Variants in GALNTL6 observed in about 807,000 individuals in gnomAD.
GALNTL6 encodes the protein polypeptide N-acetylgalactosaminyltransferase like 6.
Under a neutral mutation model 73.7 loss-of-function variants are expected in GALNTL6, and 46 were observed. The ratio of observed to expected loss-of-function variants is 0.62; its 90% CI spans 0.49 to 0.80. The LOEUF (loss-of-function observed/expected upper bound fraction) is 0.80. GALNTL6 is among the 30% of genes least tolerant of loss of function. GALNTL6 has a pLI of 0.00. For synonymous variants in GALNTL6, 259 were observed against 263.7 expected, an observed-to-expected ratio of 0.98 and a Z score of 0.17; for missense variants, 604 against 755.0, an observed-to-expected ratio of 0.80 and a Z score of 2.34.
chr4:172,967,024 T>C (rs1444836149), intron 10 of GALNTL6, among the ~76,000 whole-genome samples: 1 of 152,224 alleles, frequency 6.6e-6, no homozygotes, highest in Non-Finnish European at 1.5e-5. Flanking sequence ...GTGCTCCCCA[T>C]CGGCCTCCGT....
chr4:172,332,093 G>A (rs989503169), intron 4 of GALNTL6, among the ~76,000 whole-genome samples: 1 of 151,862 alleles, frequency 6.6e-6, no homozygotes, highest in African/African-American at 2.4e-5. Flanking sequence ...TCTCAGTGTG[G>A]TTTTCATTTG....
chr4:172,481,327 G>A (rs1733459452), intron 5 of GALNTL6, among the ~76,000 whole-genome samples: 1 of 133,330 alleles, frequency 7.5e-6, no homozygotes, highest in African/African-American at 2.6e-5. Context: ...GAGTGTTACA[G>A]CTCATAAAGG....
At chr4:172,386,183 A>T (rs1016753582) in intron 5 of GALNTL6, among the ~76,000 whole-genome samples, 9 of 152,170 alleles carry the variant, frequency 5.9e-5, no homozygotes, top group Non-Finnish European at 8.8e-5. Context: ...AAATACATTA[A>T]TAATAATTTT....
At position 172,176,369 on chromosome 4, in the gene GALNTL6, C is replaced by CATAT. The variant is rs1452561927; in HGVS notation, c.139-53286_139-53283dup. Among the ~76,000 whole-genome samples the CATAT allele has an allele frequency of 7.8e-5, 8 of 102,326 alleles. No individual in the cohort carries two copies. In the Admixed American group the frequency reaches 8.8e-4, roughly 11 times the overall value. 67.1% of individuals were successfully genotyped at this position (102,326 alleles called of 152,430 possible). On this transcript the variant is annotated intron_variant, in intron 2 of 12. Transcript: ENST00000506823. ...AAAAAAAAAAAAAGAGTGTATTCAG[C>CATAT]ATATTTATTGAGTAATTAGAAATGA...
intron 5 of GALNTL6, among the ~76,000 whole-genome samples, chr4:172,718,055 T>A (rs1735217543): frequency 2.0e-5 from 3 of 152,236 alleles, no homozygotes; most frequent in African/African-American, 7.2e-5. Context: ...ATTAAGAATG[T>A]TTACTTACAC....
At chr4:173,026,725 C>T (rs1000232317) in intron 12 of GALNTL6, among the ~76,000 whole-genome samples, 18 of 152,180 alleles carry the variant, frequency 1.2e-4, no homozygotes, top group African/African-American at 4.3e-4. Flanking sequence ...CTTTTTCACA[C>T]AGATTTTTAG....
At chr4:172,305,684 C>G (rs1241222940) in intron 3 of GALNTL6, among the ~76,000 whole-genome samples, 1 of 152,066 alleles carries the variant, frequency 6.6e-6, no homozygotes. Context: ...GAGGCTCTAC[C>G]TATTAGAACT....
intron 5 of GALNTL6, among the ~76,000 whole-genome samples, chr4:172,756,506 A>T (rs984202109): frequency 1.3e-5 from 2 of 152,036 alleles, no homozygotes; most frequent in African/African-American, 4.8e-5. Context: ...TTAGTGGGGC[A>T]TGGTGATGTA....
intron 5 of GALNTL6, among the ~76,000 whole-genome samples, chr4:172,365,159 T>G (rs1407065504): frequency 6.6e-6 from 1 of 152,158 alleles, no homozygotes. Context: ...TAAGAGTATT[T>G]AAGGGTTTAG....
At chr4:172,819,326 G>A (rs796607041) in intron 7 of GALNTL6, among the ~76,000 whole-genome samples, 56 of 152,338 alleles carry the variant, frequency 3.7e-4, no homozygotes, top group African/African-American at 1.2e-3. Flanking sequence ...TAACAACACC[G>A]TGTGAAAGTC....
At chr4:172,845,834 T>C (rs2111095601) in intron 7 of GALNTL6, among the ~76,000 whole-genome samples, 1 of 152,344 alleles carries the variant, frequency 6.6e-6, no homozygotes, top group Middle Eastern at 3.4e-3. Context: ...AAGTTCCTAA[T>C]TACCTGTAGG....
intron 2 of GALNTL6, among the ~76,000 whole-genome samples, chr4:172,075,886 G>T (rs1264565399): frequency 2.6e-5 from 4 of 152,284 alleles, no homozygotes; most frequent in Admixed American, 6.5e-5. Flanking sequence ...TTATCCTAGT[G>T]AGTGATGAAT....
intron 10 of GALNTL6, among the ~76,000 whole-genome samples, chr4:172,998,987 AT>A (rs1355246034): frequency 3.5e-4 from 14 of 39,550 alleles, no homozygotes; most frequent in Admixed American, 9.3e-4. Flanking sequence ...ACATTTTAAT[AT>A]TAAAAAAAAA....
At chr4:173,008,600 T>G (rs1283300402) in intron 10 of GALNTL6, among the ~76,000 whole-genome samples, 1 of 152,200 alleles carries the variant, frequency 6.6e-6, no homozygotes, top group Non-Finnish European at 1.5e-5. Context: ...CAAATCTGTC[T>G]CCCCAAGGAG....
At chr4:172,145,520 C>T (rs1733907190) in intron 2 of GALNTL6, among the ~76,000 whole-genome samples, 1 of 152,112 alleles carries the variant, frequency 6.6e-6, no homozygotes. Flanking sequence ...TCTGGGGTTA[C>T]AAGCATATAT....
intron 5 of GALNTL6, among the ~76,000 whole-genome samples, chr4:172,457,692 C>T (rs1732448921): frequency 6.6e-6 from 1 of 152,154 alleles, no homozygotes; most frequent in South Asian, 2.1e-4. Context: ...AATACAGGAG[C>T]ACCCAGATTC....
At chr4:172,471,499 T>C (rs1284254566) in intron 5 of GALNTL6, among the ~76,000 whole-genome samples, 1 of 152,230 alleles carries the variant, frequency 6.6e-6, no homozygotes, top group African/African-American at 2.4e-5. Flanking sequence ...CACATTACTG[T>C]TCTCTTTCAA....
intron 2 of GALNTL6, among the ~76,000 whole-genome samples, chr4:172,033,906 G>T (rs542012049): frequency 6.6e-6 from 1 of 152,100 alleles, no homozygotes; most frequent in South Asian, 2.1e-4. Flanking sequence ...TGAATTATCT[G>T]TGTATATCCT....
intron 2 of GALNTL6, among the ~76,000 whole-genome samples, chr4:172,209,639 C>T (rs1298393227): frequency 6.6e-6 from 1 of 152,040 alleles, no homozygotes; most frequent in Non-Finnish European, 1.5e-5. Context: ...AAACACATTT[C>T]ACTTTCTCAT....
Sources: gnomAD v4.1 joint callset for allele counts (sites outside exome capture counted in the v4.1 genomes callset) on GRCh38, gnomAD v4.1.1 for gene constraint, MANE v1.5 for transcripts, NCBI Gene and HGNC (gene_info 2026-07-23, HGNC 2026-07-21) for gene names.